UGT3A1: variants seen among roughly 807,000 people sequenced by gnomAD.
UGT3A1 encodes the protein UDP glycosyltransferase family 3 member A1.
UGT3A1 carries 40 observed loss-of-function variants against 37.6 expected under a neutral mutation model. That is an observed-to-expected ratio of 1.06 (90% CI 0.83 to 1.38). The LOEUF is 1.38. UGT3A1 is among the 40% of genes most tolerant of loss of function. The probability of loss-of-function intolerance (pLI) is 0.00; values close to 1 mark genes in which losing one functional copy is unlikely to be tolerated. For missense variants in UGT3A1, 642 were observed against 634.2 expected (o/e 1.01, Z -0.13); for synonymous variants, 256 against 232.3 (o/e 1.10, Z -0.93).
At chr5:35,958,645 G>C (rs937012428) in intron 4 of UGT3A1, among the ~76,000 whole-genome samples, 2 of 152,204 alleles carry the variant, frequency 1.3e-5, no homozygotes, top group Admixed American at 1.3e-4. Flanking sequence ...TTGAAAACCA[G>C]TCAAAGATAC....
In UGT3A1 at chr5:35,990,656, C is replaced by T. The variant is rs539273810; in HGVS notation, c.94+491G>A. Among the ~76,000 whole-genome samples the T allele has an allele frequency of 4.3e-4, 66 of 152,178 alleles. 1 individual carries two copies. In the South Asian group the frequency reaches 0.014, roughly 32 times the overall value. ...TGCAGTCATGAAATACCTGCCTGCG[C>T]CACCCTGGCTCCATATGCAGCTTCA... is the stretch of plus-strand genomic sequence containing the variant. On this transcript the variant is annotated intron_variant, in intron 1 of 6. Transcript: ENST00000274278.
upstream of UGT3A1, among the ~76,000 whole-genome samples, chr5:35,995,226 TTCTCCTCCATG>T (rs1327605578): frequency 2.6e-5 from 4 of 152,170 alleles, no homozygotes; most frequent in East Asian, 7.7e-4. Flanking sequence ...TGTTCCCCCC[TTCTCCTCCATG>T]TCTACCACTC....
Position 35,957,228 on chromosome 5 carries a change from A to G in UGT3A1, c.1035T>C (p.Asn345=), listed in dbSNP as rs1739389654. ...GAGGAAGCCAGTCCACAATTTTCACATTTGTGGCCAAATGAACATCTCTGG... is the reference window on the plus strand; with the variant it reads ...GAGGAAGCCAGTCCACAATTTTCACGTTTGTGGCCAAATGAACATCTCTGG... ...HWPRDVHLAT[N]VKIVDWLPQS... is the part of the protein sequence containing the mutation. The change falls in exon 5 of 7, where the codon AAT becomes AAC. Residue 345 remains asparagine (N), a synonymous_variant. Coordinates refer to ENST00000274278, the MANE Select transcript of UGT3A1 (RefSeq NM_152404.4). 6.2e-7 allele frequency: 1 copy of G among 1,614,042 alleles called. No individual in the cohort carries two copies. Among genetic ancestry groups the G allele is most frequent in the Non-Finnish European group, 8.5e-7 (1 of 1,180,032 alleles).
chr5:35,957,131 G>C, intron 5 of UGT3A1, 57 bp downstream of exon 5: 1 of 1,478,828 alleles, frequency 6.8e-7, no homozygotes, highest in Non-Finnish European at 9.4e-7. Flanking sequence ...TCAGAACACT[G>C]ACGAGCACCA....
upstream of UGT3A1, among the ~76,000 whole-genome samples, chr5:35,993,335 G>A (rs905334231): frequency 6.6e-6 from 1 of 151,968 alleles, no homozygotes; most frequent in South Asian, 2.1e-4. Context: ...GTGGTAGCAC[G>A]TGCCTGTAAT....
intron 1 of UGT3A1, 55 bp downstream of exon 1, chr5:35,991,092 G>A: frequency 6.2e-7 from 1 of 1,614,098 alleles, no homozygotes; most frequent in Non-Finnish European, 8.5e-7. Context: ...TGGAGCCCTG[G>A]CAGTGCGGGG....
At chr5:35,959,095 A>T (rs1263237037) in intron 4 of UGT3A1, among the ~76,000 whole-genome samples, 1 of 152,212 alleles carries the variant, frequency 6.6e-6, no homozygotes, top group East Asian at 1.9e-4. Flanking sequence ...ATTCAAAAAC[A>T]GTTGAGCATA....
chr5:35,957,345 G>A lies in UGT3A1; in HGVS notation c.918C>T (p.Thr306=), dbSNP rs775861878. ...TCTTGAGGACTTCCTGGGACTGATG[G>A]GTGTTCAACATGGAGCCAAAGGCCA... ...VLVAFGSMLN[T]HQSQEVLKKM... The change falls in exon 5 of 7, where the codon ACC becomes ACT. Residue 306 remains threonine, a synonymous_variant. Coordinates refer to ENST00000274278, the MANE Select transcript of UGT3A1 (RefSeq NM_152404.4). 3 of 1,614,018 alleles carry A rather than the reference G, an allele frequency of 1.9e-6. No homozygotes were observed. The highest frequency in any genetic ancestry group is 1.3e-5 in the African/African-American group (1 of 74,904).
At position 35,984,472 on chromosome 5, in the gene UGT3A1, ATT is replaced by A. The variant is rs35556767; in HGVS notation, c.196+3976_196+3977del. On this transcript the variant is annotated intron_variant, in intron 2 of 6. Coordinates refer to ENST00000274278, the MANE Select transcript of UGT3A1 (RefSeq NM_152404.4). ...TGGGGCTACCATTCAATCTCACAGA[ATT>A]TTTTTTTTTTTTTTTTGAGACAGAA... Among the ~76,000 whole-genome samples the A allele has an allele frequency of 1.6e-3, 217 of 135,470 alleles. 2 individuals are homozygous for A. The highest frequency in any genetic ancestry group is 9.4e-3 in the South Asian group (39 of 4,138). The allele number at this position is 135,470 out of a possible 152,430, so 88.9% of individuals were successfully genotyped here.
Position 35,954,352 on chromosome 5 carries a change from A to C in UGT3A1, c.1422T>G (p.Tyr474Ter). The C allele has an allele frequency of 6.2e-7, 1 of 1,614,202 alleles. No homozygotes were observed. Among genetic ancestry groups the C allele is most frequent in the Non-Finnish European group, 8.5e-7 (1 of 1,180,032 alleles). ...QTGGATHLKP[Y>*]AFQQPWHEQY... The stretch of plus-strand genomic sequence containing the variant: ...GCTCATGCCAAGGCTGCTGGAAGGC[A>C]TAGGGCTTGAGGTGCGTCGCTCCCC... The change falls in exon 7 of 7, where the codon TAT becomes TAG. Residue 474 changes from tyrosine (Y) to a stop codon, truncating the protein, a stop_gained. Coordinates refer to ENST00000274278, the MANE Select transcript of UGT3A1 (RefSeq NM_152404.4). LOFTEE classifies it low-confidence loss of function (END_TRUNC).
At chr5:35,999,894 T>C (rs1400959574) in intron 1 of UGT3A1, among the ~76,000 whole-genome samples, 1 of 152,178 alleles carries the variant, frequency 6.6e-6, no homozygotes, top group Non-Finnish European at 1.5e-5. Context: ...TGCAGGCAAG[T>C]AACAGCTATG....
chr5:35,959,974 A>T (rs1033367541), intron 4 of UGT3A1, among the ~76,000 whole-genome samples: 1 of 152,190 alleles, frequency 6.6e-6, no homozygotes, highest in Non-Finnish European at 1.5e-5. Context: ...GAATAAAATA[A>T]ACTTAACCAA....
chr5:35,999,884 T>TA (rs1373563222), intron 1 of UGT3A1, among the ~76,000 whole-genome samples: 1 of 152,200 alleles, frequency 6.6e-6, no homozygotes, highest in Non-Finnish European at 1.5e-5. Context: ...AGCTTTTCCC[T>TA]GCAGGCAAGT....
At position 35,965,149 on chromosome 5, in the gene UGT3A1, C is replaced by G. The variant is rs77330234; in HGVS notation, c.843+237G>C. Among the ~76,000 whole-genome samples, 14 of 152,310 alleles carry G rather than the reference C, an allele frequency of 9.2e-5. No homozygotes were observed. In the East Asian group the frequency reaches 2.5e-3, roughly 27 times the overall value. On this transcript the variant is annotated intron_variant, in intron 4 of 6. Transcript: ENST00000274278. ...AGGGCTCATCCCACTGATTCTAAGA[C>G]CAGGGCATGGCAAGAGAGGAGCCAA... is the stretch of plus-strand genomic sequence containing the variant.
intron 2 of UGT3A1, among the ~76,000 whole-genome samples, chr5:35,974,918 C>T (rs1740201258): frequency 6.6e-6 from 1 of 152,130 alleles, no homozygotes; most frequent in African/African-American, 2.4e-5. Flanking sequence ...TGCCTATGGC[C>T]AATGGTTTGG....
chr5:35,982,371 C>A (rs1243499232), intron 2 of UGT3A1, among the ~76,000 whole-genome samples: 3 of 152,216 alleles, frequency 2.0e-5, no homozygotes, highest in Non-Finnish European at 4.4e-5. Context: ...GCAGAGCTAC[C>A]CAAGGCCTTG....
intron 2 of UGT3A1, among the ~76,000 whole-genome samples, chr5:35,979,422 A>C (rs1740429254): frequency 6.6e-6 from 1 of 152,076 alleles, no homozygotes; most frequent in African/African-American, 2.4e-5. Context: ...GATACCCTAA[A>C]TCATCTCCCT....
intron 5 of UGT3A1, 84 bp downstream of exon 5, chr5:35,957,104 A>T (rs969716931): frequency 9.3e-6 from 11 of 1,188,710 alleles, no homozygotes; most frequent in Middle Eastern, 5.5e-4. Context: ...AGGCTGATAC[A>T]AATGCCCAGC....
At chr5:35,979,263 A>G (rs1340666250) in intron 2 of UGT3A1, among the ~76,000 whole-genome samples, 1 of 152,186 alleles carries the variant, frequency 6.6e-6, no homozygotes, top group Non-Finnish European at 1.5e-5. Context: ...TCCTCAGAAA[A>G]TGAGATTTTC....
Sources: gnomAD v4.1 joint callset for allele counts (sites outside exome capture counted in the v4.1 genomes callset) on GRCh38, gnomAD v4.1.1 for gene constraint, MANE v1.5 for transcripts, NCBI Gene and HGNC (gene_info 2026-07-23, HGNC 2026-07-21) for gene names.